The following TAF3 variants were observed in gnomAD, a reference collection of about 807,000 sequenced individuals.
The protein encoded by TAF3 is TATA-box binding protein associated factor 3.
TAF3 carries 7 observed loss-of-function variants against 80.6 expected under a neutral mutation model. That is an observed-to-expected ratio of 0.09 (90% CI 0.05 to 0.16). The LOEUF (loss-of-function observed/expected upper bound fraction) is 0.16. Among genes scored for constraint, TAF3 ranks in the 10% least tolerant of loss-of-function variants. The pLI is 1.00. For missense variants in TAF3, 921 were observed against 1,140.2 expected (o/e 0.81, Z 2.77); for synonymous variants, 444 against 446.1 (o/e 1.00, Z 0.06).
At chr10:7,970,864 T>A (rs1831615105) in intron 3 of TAF3, among the ~76,000 whole-genome samples, 1 of 152,226 alleles carries the variant, frequency 6.6e-6, no homozygotes, top group Admixed American at 6.5e-5. Context: ...GTTTTCATCC[T>A]TTTCCTCTTT....
intron 2 of TAF3, among the ~76,000 whole-genome samples, chr10:7,934,824 A>G (rs1242507372): frequency 6.6e-6 from 1 of 152,228 alleles, no homozygotes; most frequent in African/African-American, 2.4e-5. Context: ...CGATCAGTTT[A>G]CTAACTAATC....
intron 2 of TAF3, among the ~76,000 whole-genome samples, chr10:7,834,822 T>C (rs1346183182): frequency 6.6e-6 from 1 of 152,204 alleles, no homozygotes; most frequent in Non-Finnish European, 1.5e-5. Context: ...AAAAAATTTT[T>C]TTTGCTCATT....
intron 2 of TAF3, among the ~76,000 whole-genome samples, chr10:7,909,009 G>A (rs1055149600): frequency 1.3e-5 from 2 of 152,218 alleles, no homozygotes; most frequent in African/African-American, 4.8e-5. Context: ...AGAATGTTGT[G>A]CTGGTGGCTT....
chr10:7,944,166 A>G (rs1407278543), intron 2 of TAF3, among the ~76,000 whole-genome samples: 2 of 150,724 alleles, frequency 1.3e-5, no homozygotes, highest in African/African-American at 4.9e-5. Context: ...GTAGATGAAA[A>G]ACTACCTTGT....
chr10:7,965,180 A>G lies in TAF3; in HGVS notation c.1670A>G (p.Asp557Gly). 6.2e-7 allele frequency: 1 copy of G among 1,608,364 alleles called. No homozygotes were observed. The highest frequency in any genetic ancestry group is 8.5e-7 in the Non-Finnish European group (1 of 1,178,658). Residue 557 changes from aspartate to glycine, a missense_variant, in exon 3 of 7, where the codon GAT becomes GGT. By Grantham distance (94) the Asp-to-Gly change is moderately conservative. This residue lies in a region of TAF3 where 743 missense variants were observed against 821.0 expected (regional missense o/e 0.90). Coordinates refer to ENST00000344293, the MANE Select transcript of TAF3 (RefSeq NM_031923.4). ...DKNKDKSKEK[D>G]KVKEKEKDKE... ...AACAAGGACAAAAGTAAGGAGAAGG[A>G]TAAAGTGAAAGAGAAAGAGAAAGAC...
At chr10:7,977,210 A>G (rs1831681820) in intron 3 of TAF3, 31 bp from the exon 4 acceptor site, 2 of 1,609,714 alleles carry the variant, frequency 1.2e-6, no homozygotes, top group East Asian at 2.2e-5. Flanking sequence ...TTGAAAAACC[A>G]TATTGAACTT....
intron 2 of TAF3, among the ~76,000 whole-genome samples, chr10:7,855,956 C>T (rs752537517): frequency 2.0e-5 from 3 of 150,554 alleles, no homozygotes; most frequent in Non-Finnish European, 3.0e-5. Context: ...AAAAAATAAG[C>T]GTAATAGTTC....
intron 2 of TAF3, 34 bp downstream of exon 2, chr10:7,824,594 T>C (rs1244471): frequency 0.55 from 873,023 of 1,599,604 alleles, 241,782 homozygotes; most frequent in East Asian, 0.8. Flanking sequence ...ATGTTAGTGA[T>C]TATTTTAATG....
chr10:7,966,374 G>A (rs187127331), intron 3 of TAF3, among the ~76,000 whole-genome samples: 69 of 152,286 alleles, frequency 4.5e-4, no homozygotes, highest in Non-Finnish European at 8.8e-4. Context: ...ATCCCACATG[G>A]CAGAAATGTT....
chr10:7,939,760 A>G (rs1837960145), intron 2 of TAF3, among the ~76,000 whole-genome samples: 1 of 152,142 alleles, frequency 6.6e-6, no homozygotes, highest in South Asian at 2.1e-4. Flanking sequence ...AGATAAAGTC[A>G]AGGAAACCTG....
intron 2 of TAF3, among the ~76,000 whole-genome samples, chr10:7,924,274 A>T (rs1032147783): frequency 6.6e-6 from 1 of 152,196 alleles, no homozygotes; most frequent in East Asian, 1.9e-4. Flanking sequence ...TGCTAACCCA[A>T]TGAGAAAGCA....
chr10:7,824,193 T>C, intron 1 of TAF3, 125 bp from the exon 2 acceptor site: 1 of 1,102,308 alleles, frequency 9.1e-7, no homozygotes, highest in Non-Finnish European at 1.3e-6. Context: ...TTAAATTCTT[T>C]CCAATAACTA....
intron 2 of TAF3, among the ~76,000 whole-genome samples, chr10:7,951,669 ATGTC>A (rs1169019761): frequency 6.6e-6 from 1 of 152,226 alleles, no homozygotes; most frequent in African/African-American, 2.4e-5. Context: ...GAGGGGAAGA[ATGTC>A]TGTTCATTTT....
At chr10:7,830,776 G>A (rs1179915841) in intron 2 of TAF3, among the ~76,000 whole-genome samples, 3 of 152,056 alleles carry the variant, frequency 2.0e-5, no homozygotes, top group African/African-American at 4.8e-5. Flanking sequence ...GAGCCACCCC[G>A]CCCAACCATG....
intron 1 of TAF3, among the ~76,000 whole-genome samples, chr10:7,819,966 G>C (rs1396237214): frequency 2.0e-5 from 3 of 152,098 alleles, no homozygotes; most frequent in African/African-American, 4.8e-5. Flanking sequence ...ACTATACTTC[G>C]TTGGTTACAG....
At chr10:7,976,766 A>G (rs1240070192) in intron 3 of TAF3, among the ~76,000 whole-genome samples, 2 of 152,144 alleles carry the variant, frequency 1.3e-5, no homozygotes, top group African/African-American at 4.8e-5. Context: ...GAACAGTTGA[A>G]TGGTACAATT....
At chr10:7,974,647 A>G (rs901135381) in intron 3 of TAF3, among the ~76,000 whole-genome samples, 1 of 152,168 alleles carries the variant, frequency 6.6e-6, no homozygotes, top group Admixed American at 6.5e-5. Flanking sequence ...ACATGAGGAC[A>G]TTGGCAAGGG....
chr10:7,905,271 G>C (rs909081635), intron 2 of TAF3, among the ~76,000 whole-genome samples: 1 of 152,146 alleles, frequency 6.6e-6, no homozygotes, highest in Non-Finnish European at 1.5e-5. Flanking sequence ...AGAGTGACAC[G>C]CGCTGCCTTG....
chr10:7,891,412 T>A (rs926388646), intron 2 of TAF3, among the ~76,000 whole-genome samples: 1 of 152,154 alleles, frequency 6.6e-6, no homozygotes, highest in African/African-American at 2.4e-5. Context: ...AAACTTAATA[T>A]GAAAAAGGTA....
Sources: allele counts gnomAD v4.1 joint callset (sites outside exome capture counted in the v4.1 genomes callset), GRCh38; gene constraint gnomAD v4.1.1; regional missense constraint gnomAD v4.1.1; transcripts MANE v1.5; gene names NCBI Gene and HGNC (gene_info 2026-07-23, HGNC 2026-07-21).